The following GSE1 variants were observed in gnomAD, a reference collection of about 807,000 sequenced individuals.
GSE1 encodes Gse1 coiled-coil protein.
GSE1 carries 32 observed loss-of-function variants against 112.6 expected under a neutral mutation model. The ratio of observed to expected loss-of-function variants is 0.28; its 90% CI spans 0.21 to 0.38. The LOEUF (loss-of-function observed/expected upper bound fraction) is 0.38. Among genes scored for constraint, GSE1 ranks in the 10% least tolerant of loss-of-function variants. The pLI is 1.00. For missense variants in GSE1, 2,348 were observed against 1,699.2 expected, an observed-to-expected ratio of 1.38 and a Z score of -6.71; for synonymous variants, 1,115 against 735.6, an observed-to-expected ratio of 1.52 and a Z score of -8.35.
At chr16:85,504,454 G>A (rs765679080) in intron 2 of GSE1, among the ~76,000 whole-genome samples, 9 of 152,204 alleles carry the variant, frequency 5.9e-5, no homozygotes, top group African/African-American at 1.9e-4. Context: ...GGGCACACAC[G>A]TGTGTGTCTT....
Position 85,507,125 on chromosome 16 carries a change from C to T in GSE1, c.2465-126789C>T, listed in dbSNP as rs376712690. ...CTGTGTGGCTGAGAAGATCCATCAG[C>T]GGGCGTCGTCGACGCTCGCCGGCCC... On this transcript the variant is annotated intron_variant, in intron 2 of 2. Coordinates refer to the GSE1 transcript ENST00000637419. 7.2e-4 allele frequency among the ~76,000 whole-genome samples: 110 copies of T among 152,294 alleles called. 1 individual carries two copies. The South Asian group carries it at 0.014, about 19-fold the overall frequency.
intron 1 of GSE1, among the ~76,000 whole-genome samples, chr16:85,220,381 C>G (rs541481993): frequency 1.3e-5 from 2 of 152,194 alleles, no homozygotes; most frequent in East Asian, 3.9e-4. Context: ...AGCCGGCGAG[C>G]GGGCGGCGGC....
intron 1 of GSE1, among the ~76,000 whole-genome samples, chr16:85,218,900 G>A (rs773326882): frequency 2.6e-5 from 4 of 151,878 alleles, no homozygotes; most frequent in Non-Finnish European, 4.4e-5. Context: ...TTTTTTTTGA[G>A]ACAGAGTCTG....
chr16:85,640,766 C>T (rs2050376533), intron 2 of GSE1, among the ~76,000 whole-genome samples: 3 of 152,268 alleles, frequency 2.0e-5, no homozygotes, highest in South Asian at 4.1e-4. Context: ...GGAAGGATCC[C>T]GCCTGGCAGG....
chr16:85,642,667 G>A (rs1474137231), intron 2 of GSE1, among the ~76,000 whole-genome samples: 1 of 152,246 alleles, frequency 6.6e-6, no homozygotes, highest in Non-Finnish European at 1.5e-5. Flanking sequence ...ACGTTCCAGG[G>A]ACCCTCTTTA....
chr16:85,350,862 C>T (rs1193390506), intron 1 of GSE1, among the ~76,000 whole-genome samples: 1 of 152,230 alleles, frequency 6.6e-6, no homozygotes, highest in Non-Finnish European at 1.5e-5. Flanking sequence ...CCCCTGCAAC[C>T]TCTGCCTCCT....
At chr16:85,552,856 G>A (rs2151243778), upstream of GSE1, among the ~76,000 whole-genome samples, 1 of 152,312 alleles carries the variant, frequency 6.6e-6, no homozygotes. Context: ...ATAATTACAG[G>A]TTTATTGCCT....
intron 1 of GSE1, among the ~76,000 whole-genome samples, chr16:85,625,502 GC>G (rs2049010438): frequency 1.3e-5 from 2 of 152,130 alleles, no homozygotes; most frequent in Non-Finnish European, 2.9e-5. Context: ...AGGTGACCTG[GC>G]CCCCCAGGTG....
At chr16:85,254,992 G>A (rs942425594) in intron 1 of GSE1, among the ~76,000 whole-genome samples, 8 of 152,234 alleles carry the variant, frequency 5.3e-5, no homozygotes, top group Admixed American at 2.0e-4. Context: ...AGAAGAGGTG[G>A]TTGGGGGCAG....
At chr16:85,508,250 T>G (rs2051608081) in intron 2 of GSE1, among the ~76,000 whole-genome samples, 1 of 152,178 alleles carries the variant, frequency 6.6e-6, no homozygotes, top group Non-Finnish European at 1.5e-5. Flanking sequence ...GCCAGGCTGG[T>G]CTGCAACTCC....
At chr16:85,441,209 A>C (rs72798949) in intron 2 of GSE1, among the ~76,000 whole-genome samples, 17,875 of 152,066 alleles carry the variant, frequency 0.12, 1,440 homozygotes, top group Non-Finnish European at 0.17. Flanking sequence ...GGATTGTAGG[A>C]CGTTTAGCAC....
intron 1 of GSE1, among the ~76,000 whole-genome samples, chr16:85,614,338 C>T (rs962819553): frequency 6.6e-6 from 1 of 152,120 alleles, no homozygotes; most frequent in African/African-American, 2.4e-5. Flanking sequence ...GCCCGCCTCT[C>T]TAGCAGGCTA....
rs559519972 is a variant in GSE1, at chr16:85,572,643, G to A, written c.37+16280G>A. 2.0e-5 allele frequency among the ~76,000 whole-genome samples: 3 copies of A among 152,320 alleles called. No individual in the cohort carries two copies. The South Asian group carries it at 6.2e-4, about 32-fold the overall frequency. ...GCAGGTTAAATGATGTGCCTGGGAT[G>A]GGCTGCTTAGAACCCAGCAGGGGCT... On this transcript the variant is annotated intron_variant, in intron 1 of 2. Transcript: ENST00000635906.
At chr16:85,304,308 T>G (rs2045606919) in intron 1 of GSE1, among the ~76,000 whole-genome samples, 1 of 152,168 alleles carries the variant, frequency 6.6e-6, no homozygotes, top group Non-Finnish European at 1.5e-5. Flanking sequence ...TTTACTGACC[T>G]CCTGCCCTTT....
At chr16:85,626,694 C>T (rs1048869618) in intron 1 of GSE1, among the ~76,000 whole-genome samples, 25 of 152,310 alleles carry the variant, frequency 1.6e-4, no homozygotes, top group African/African-American at 5.5e-4. Context: ...CTTGTAATTA[C>T]AGAGCACAGA....
At chr16:85,650,142 A>AT (rs2051212429) in intron 3 of GSE1, among the ~76,000 whole-genome samples, 1 of 152,212 alleles carries the variant, frequency 6.6e-6, no homozygotes, top group African/African-American at 2.4e-5. Context: ...ACCGAGGGGC[A>AT]GGGCGTGGCC....
chr16:85,662,853 C>T (rs2052544052), intron 9 of GSE1, 128 bp from the exon 10 acceptor site: 2 of 665,712 alleles, frequency 3.0e-6, no homozygotes, highest in Admixed American at 2.4e-5. Context: ...AAGGAACTGG[C>T]CTTCAGGGTG....
At chr16:85,468,520 G>A (rs2050189529) in intron 2 of GSE1, among the ~76,000 whole-genome samples, 1 of 151,916 alleles carries the variant, frequency 6.6e-6, no homozygotes, top group Admixed American at 6.6e-5. Context: ...TTTTCACCAT[G>A]TTGGCCAGGC....
At chr16:85,223,018 C>G (rs1484842113) in intron 1 of GSE1, among the ~76,000 whole-genome samples, 1 of 152,154 alleles carries the variant, frequency 6.6e-6, no homozygotes, top group African/African-American at 2.4e-5. Flanking sequence ...GACTGCTTCC[C>G]TCTAGTTTTG....
Sources: gnomAD v4.1 joint callset for allele counts (sites outside exome capture counted in the v4.1 genomes callset) on GRCh38, gnomAD v4.1.1 for gene constraint, MANE v1.5 for transcripts, NCBI Gene and HGNC (gene_info 2026-07-23, HGNC 2026-07-21) for gene names.